EIF2A: variants seen among roughly 807,000 people sequenced by gnomAD.
The protein encoded by EIF2A is eukaryotic translation initiation factor 2A.
EIF2A carries 62 observed loss-of-function variants against 75.2 expected under a neutral mutation model. The observed-to-expected ratio is 0.82, with a 90% CI of 0.67 to 1.02. EIF2A has a LOEUF of 1.02. Ranked by LOEUF, EIF2A falls within the 50% of genes least tolerant of loss-of-function variation. The probability of loss-of-function intolerance (pLI) is 0.00; values close to 1 mark genes in which losing one functional copy is unlikely to be tolerated. For synonymous variants in EIF2A, 207 were observed against 239.0 expected (o/e 0.87, Z 1.23); for missense variants, 611 against 677.7 (o/e 0.90, Z 1.09).
chr3:150,567,696 C>A lies in EIF2A; in HGVS notation c.479C>A (p.Thr160Lys), dbSNP rs1724259946. The change falls in exon 7 of 14, where the codon ACA becomes AAA. Residue 160 changes from threonine to lysine, a missense_variant. Transcript: ENST00000460851. ...VHFFENNNFN[T>K]IANKLHLQKI... ...TTTAATTTACTCTTTTTTTTAGACACAATTGCAAATAAATTGCATTTGCAA... is the reference window on the plus strand; with the variant it reads ...TTTAATTTACTCTTTTTTTTAGACAAAATTGCAAATAAATTGCATTTGCAA... The A allele has an allele frequency of 1.3e-6, 2 of 1,534,412 alleles. No homozygotes were observed. The highest frequency in any genetic ancestry group is 1.4e-5 in the African/African-American group (1 of 72,356).
intron 4 of EIF2A, 113 bp from the exon 5 acceptor site, chr3:150,563,402 T>C: frequency 2.5e-6 from 2 of 800,128 alleles, no homozygotes; most frequent in Non-Finnish European, 3.9e-6. Flanking sequence ...AGAGGCAAGC[T>C]TTCATGATTT....
At chr3:150,573,629 C>T (rs1281333596) in intron 10 of EIF2A, among the ~76,000 whole-genome samples, 1 of 152,044 alleles carries the variant, frequency 6.6e-6, no homozygotes, top group Non-Finnish European at 1.5e-5. Flanking sequence ...GTGGTCCTGT[C>T]AAATCATTTT....
rs1725444857 is a variant in EIF2A, at chr3:150,585,748, G to A, written c.*1837G>A. Among the ~76,000 whole-genome samples, 2 of 152,198 alleles carry A rather than the reference G, an allele frequency of 1.3e-5. No homozygotes were observed. The highest frequency in any genetic ancestry group is 4.1e-4 in the South Asian group (2 of 4,830). On this transcript the variant is annotated 3_prime_UTR_variant, in exon 14 of 14. Transcript: ENST00000460851. ...GTATGTTGAAGCCCTAACCTCCAAC[G>A]TGGTGGTATTGGGAGATGGGCCTTT...
At chr3:150,554,259 TTGA>T (rs1158790125) in intron 2 of EIF2A, among the ~76,000 whole-genome samples, 1 of 151,516 alleles carries the variant, frequency 6.6e-6, no homozygotes, top group East Asian at 2.0e-4. Context: ...GCATTGGTGG[TTGA>T]TGGAGTCCTC....
intron 2 of EIF2A, among the ~76,000 whole-genome samples, chr3:150,553,681 G>T (rs1723429283): frequency 6.6e-6 from 1 of 152,142 alleles, no homozygotes; most frequent in Non-Finnish European, 1.5e-5. Context: ...AAAGTGCTGG[G>T]ATTACAGACG....
At chr3:150,574,781 C>T (rs373557719) in intron 10 of EIF2A, among the ~76,000 whole-genome samples, 7 of 152,276 alleles carry the variant, frequency 4.6e-5, no homozygotes, top group East Asian at 3.9e-4. Context: ...AAGTAAAATG[C>T]GGATCTGAGA....
Position 150,564,380 on chromosome 3 carries a change from T to C in EIF2A, c.474T>C (p.Phe158=), listed in dbSNP as rs757486173. 20 of 1,587,338 alleles carry C rather than the reference T, an allele frequency of 1.3e-5. No individual in the cohort carries two copies. Among genetic ancestry groups the C allele is most frequent in the African/African-American group, 5.4e-5 (4 of 73,956 alleles). Residue 158 remains phenylalanine (F), a splice_region_variant and synonymous_variant, in exon 6 of 14, where the codon TTT becomes TTC. Coordinates refer to ENST00000460851, the MANE Select transcript of EIF2A (RefSeq NM_032025.5). ...NEVHFFENNN[F]NTIANKLHLQ... The stretch of plus-strand genomic sequence containing the variant: ...TTCACTTCTTTGAAAACAACAATTT[T>C]AGTATGGAAAGATTTATGACATAAT...
rs532619066 is a variant in EIF2A, at chr3:150,582,716, G to A, written c.1627-484G>A. 5.9e-5 allele frequency among the ~76,000 whole-genome samples: 9 copies of A among 152,326 alleles called. No homozygotes were observed. In the South Asian group the frequency reaches 1.9e-3, roughly 32 times the overall value. On this transcript the variant is annotated intron_variant, in intron 12 of 13. Transcript: ENST00000460851. ...ATGAAGAGACAGAGACAAAAAAGAAGTGTATTGATTTGTGATATTGCAGCC... is the reference window on the plus strand; with the variant it reads ...ATGAAGAGACAGAGACAAAAAAGAAATGTATTGATTTGTGATATTGCAGCC...
At chr3:150,573,346 G>A (rs919505947) in intron 10 of EIF2A, among the ~76,000 whole-genome samples, 2 of 152,132 alleles carry the variant, frequency 1.3e-5, no homozygotes, top group Non-Finnish European at 2.9e-5. Context: ...TCCACCTCCC[G>A]GGTTCAAGCA....
At chr3:150,571,713 A>G (rs1219538118) in intron 9 of EIF2A, among the ~76,000 whole-genome samples, 1 of 152,196 alleles carries the variant, frequency 6.6e-6, no homozygotes, top group Non-Finnish European at 1.5e-5. Flanking sequence ...GTAACAAACT[A>G]TTACTATAAG....
chr3:150,574,567 C>T (rs979135052), intron 10 of EIF2A, among the ~76,000 whole-genome samples: 1 of 152,130 alleles, frequency 6.6e-6, no homozygotes, highest in Admixed American at 6.6e-5. Flanking sequence ...ATGAAAGAGC[C>T]TTGCACTCCA....
intron 10 of EIF2A, among the ~76,000 whole-genome samples, chr3:150,572,872 A>C (rs1372706089): frequency 6.6e-6 from 1 of 151,302 alleles, no homozygotes; most frequent in African/African-American, 2.4e-5. Context: ...AAAAAAAAAA[A>C]CAACCTTTCT....
chr3:150,559,337 A>T (rs1057322406), intron 3 of EIF2A, among the ~76,000 whole-genome samples: 3 of 151,914 alleles, frequency 2.0e-5, no homozygotes, highest in African/African-American at 7.3e-5. Context: ...TTTTATAATT[A>T]AAAAAAATTG....
chr3:150,560,763 A>G (rs942863341), intron 3 of EIF2A, among the ~76,000 whole-genome samples: 3 of 146,780 alleles, frequency 2.0e-5, no homozygotes, highest in African/African-American at 5.0e-5. Context: ...TGTTTAGTAC[A>G]TAACAGTAAG....
chr3:150,575,849 G>A, intron 11 of EIF2A, 87 bp downstream of exon 11: 1 of 1,123,756 alleles, frequency 8.9e-7, no homozygotes, highest in Non-Finnish European at 1.2e-6. Flanking sequence ...AGCACTTTGG[G>A]AGGCTGAGGC....
intron 12 of EIF2A, 116 bp downstream of exon 12, chr3:150,581,862 CATT>C (rs886665036): frequency 1.3e-4 from 159 of 1,251,310 alleles, no homozygotes; most frequent in East Asian, 1.0e-3. Flanking sequence ...CAGCAGTTCT[CATT>C]GTTGTTTTCT....
chr3:150,559,562 C>T (rs1723742239), intron 3 of EIF2A, among the ~76,000 whole-genome samples: 1 of 144,214 alleles, frequency 6.9e-6, no homozygotes, highest in African/African-American at 2.6e-5. Context: ...GTGATCTCAG[C>T]TCACAGCAAC....
chr3:150,559,784 C>G (rs561781800), intron 3 of EIF2A, among the ~76,000 whole-genome samples: 1 of 152,188 alleles, frequency 6.6e-6, no homozygotes, highest in East Asian at 1.9e-4. Context: ...CATGAGCCAC[C>G]TCACCCAGCC....
chr3:150,584,628 C>T lies in EIF2A; in HGVS notation c.*717C>T, dbSNP rs561926158. Among the ~76,000 whole-genome samples, 3 of 152,252 alleles carry T rather than the reference C, an allele frequency of 2.0e-5. No individual in the cohort carries two copies. The highest frequency in any genetic ancestry group is 2.1e-4 in the South Asian group (1 of 4,822). ...AGAAGTGATAAGGCTTTGAAATGTT[C>T]GCCACTTTGATAAAGAGGAAATGAT... is the stretch of plus-strand genomic sequence containing the variant. On this transcript the variant is annotated 3_prime_UTR_variant, in exon 14 of 14. Transcript: ENST00000460851.
Sources: allele counts gnomAD v4.1 joint callset (sites outside exome capture counted in the v4.1 genomes callset), GRCh38; gene constraint gnomAD v4.1.1; transcripts MANE v1.5; gene names NCBI Gene and HGNC (gene_info 2026-07-23, HGNC 2026-07-21).